Variants in NXPE2 observed in about 807,000 individuals in gnomAD.
The protein encoded by NXPE2 is NXPE family member 2.
Under a neutral mutation model 34.4 loss-of-function variants are expected in NXPE2, and 34 were observed. The ratio of observed to expected loss-of-function variants is 0.99; its 90% CI spans 0.75 to 1.31. The LOEUF (loss-of-function observed/expected upper bound fraction) is 1.31, where lower values mean the gene tolerates loss of function less well. Ranked by LOEUF, NXPE2 falls within the 40% of genes most tolerant of loss-of-function variation. The pLI is 0.00. For missense variants in NXPE2, 649 were observed against 672.5 expected (o/e 0.97, Z 0.39); for synonymous variants, 235 against 231.3 (o/e 1.02, Z -0.15).
the NXPE2 span, among the ~76,000 whole-genome samples, chr11:114,721,002 G>T: frequency 4.6e-5 from 7 of 152,112 alleles, no homozygotes; most frequent in African/African-American, 1.7e-4. Flanking sequence ...TTGTTAAATT[G>T]GTTACCCTTA....
intron 3 of NXPE2, among the ~76,000 whole-genome samples, chr11:114,703,691 TAGATAGATGATA>T (rs1230017723): frequency 1.1e-4 from 2 of 18,032 alleles, no homozygotes; most frequent in African/African-American, 3.0e-4. Flanking sequence ...GATAGATAGA[TAGATAGATGATA>T]GATAGATAGA....
chr11:114,536,932 A>G, the NXPE2 span, among the ~76,000 whole-genome samples: 5 of 152,230 alleles, frequency 3.3e-5, no homozygotes, highest in African/African-American at 9.6e-5. Flanking sequence ...TCATTTTATG[A>G]AGCCAGCATC....
At chr11:114,550,566 G>A in the NXPE2 span, among the ~76,000 whole-genome samples, 13 of 152,156 alleles carry the variant, frequency 8.5e-5, no homozygotes, top group Non-Finnish European at 1.5e-4. Flanking sequence ...TTTCAACAGC[G>A]TAAATTCCAA....
chr11:114,703,362 G>T (rs797008203), intron 3 of NXPE2, among the ~76,000 whole-genome samples: 41 of 152,310 alleles, frequency 2.7e-4, no homozygotes, highest in African/African-American at 8.9e-4. Context: ...TTAGGACAGG[G>T]TTCTCAAAGT....
At chr11:114,693,192 T>C (rs192295939) in intron 2 of NXPE2, among the ~76,000 whole-genome samples, 28 of 152,334 alleles carry the variant, frequency 1.8e-4, no homozygotes, top group African/African-American at 6.7e-4. Flanking sequence ...TCTCAGGTGA[T>C]ACAGGTAACC....
the NXPE2 span, chr11:114,527,904 T>TC: frequency 6.5e-7 from 1 of 1,527,644 alleles, no homozygotes; most frequent in South Asian, 1.2e-5. Flanking sequence ...CTTTGGACCT[T>TC]CAAAAAAAAA....
chr11:114,565,024 A>G, the NXPE2 span, among the ~76,000 whole-genome samples: 1 of 152,196 alleles, frequency 6.6e-6, no homozygotes, highest in African/African-American at 2.4e-5. Flanking sequence ...TATTGATATC[A>G]TTGTCTACAT....
the NXPE2 span, among the ~76,000 whole-genome samples, chr11:114,537,958 C>G: frequency 2.0e-5 from 3 of 151,924 alleles, no homozygotes; most frequent in African/African-American, 7.2e-5. Context: ...AACCAAAAAG[C>G]CCACATTGCC....
At chr11:114,535,533 A>G in the NXPE2 span, among the ~76,000 whole-genome samples, 1 of 152,132 alleles carries the variant, frequency 6.6e-6, no homozygotes, top group Admixed American at 6.5e-5. Context: ...GTATTCAGGA[A>G]ACCCATCTCA....
chr11:114,606,457 G>A, the NXPE2 span, among the ~76,000 whole-genome samples: 1 of 149,704 alleles, frequency 6.7e-6, no homozygotes, highest in Non-Finnish European at 1.5e-5. Context: ...GGGAGATAAT[G>A]TGTTGCCTCT....
chr11:114,741,703 TC>T, the NXPE2 span, among the ~76,000 whole-genome samples: 1 of 152,238 alleles, frequency 6.6e-6, no homozygotes, highest in Non-Finnish European at 1.5e-5. Flanking sequence ...CTTGTTTTGC[TC>T]ATGTGTTGTG....
Position 114,698,229 on chromosome 11 carries a change from C to G in NXPE2, c.317C>G (p.Thr106Ser). 1 of 1,613,894 alleles carries G rather than the reference C, an allele frequency of 6.2e-7. No individual in the cohort carries two copies. The highest frequency in any genetic ancestry group is 2.2e-5 in the East Asian group (1 of 44,872). ...AGACCTTTCACCCATGTGAATACCA[C>G]CACCAGTGCCACACACAGCACAGCC... The part of the protein sequence containing the change: ...PPRPFTHVNT[T>S]TSATHSTATI... The change falls in exon 3 of 6, where the codon ACC becomes AGC. Residue 106 changes from threonine (T) to serine (S), a missense_variant. Thr to Ser is a moderately conservative substitution (Grantham distance 58). Transcript: ENST00000389586.
chr11:114,581,824 C>T, the NXPE2 span: 1,477 of 1,446,484 alleles, frequency 1.0e-3, 15 homozygotes, highest in African/African-American at 0.019. Context: ...CTGTAGGTGG[C>T]CTCAAATCAG....
the NXPE2 span, among the ~76,000 whole-genome samples, chr11:114,485,843 C>A: frequency 2.0e-5 from 3 of 152,112 alleles, no homozygotes; most frequent in African/African-American, 7.2e-5. Context: ...TTGTTTTTTA[C>A]GGCTAAATAG....
chr11:114,540,885 T>TTTG, the NXPE2 span, among the ~76,000 whole-genome samples: 5 of 81,290 alleles, frequency 6.2e-5, 1 homozygote, highest in African/African-American at 1.5e-4. Flanking sequence ...TTTTTTTTTT[T>TTTG]GGCTTGAACA....
At chr11:114,806,394 T>TCCAAGCTACAG in the NXPE2 span, among the ~76,000 whole-genome samples, 1 of 151,774 alleles carries the variant, frequency 6.6e-6, no homozygotes, top group African/African-American at 2.4e-5. Flanking sequence ...ATCAAACTAC[T>TCCAAGCTACAG]CCAAGCTACA....
chr11:114,722,225 T>C, the NXPE2 span, among the ~76,000 whole-genome samples: 1 of 152,128 alleles, frequency 6.6e-6, no homozygotes, highest in East Asian at 1.9e-4. Context: ...GGGAGCAGTT[T>C]CCCCCATGCT....
chr11:114,662,564 C>T, the NXPE2 span, among the ~76,000 whole-genome samples: 3 of 152,114 alleles, frequency 2.0e-5, no homozygotes, highest in African/African-American at 4.8e-5. Flanking sequence ...ACACCAGCTG[C>T]GGTGGCTAAG....
At chr11:114,599,160 T>C in the NXPE2 span, among the ~76,000 whole-genome samples, 2 of 152,122 alleles carry the variant, frequency 1.3e-5, no homozygotes, top group Non-Finnish European at 2.9e-5. Flanking sequence ...CCAGATACCT[T>C]AAATCATCAC....
Sources: allele counts gnomAD v4.1 joint callset (sites outside exome capture counted in the v4.1 genomes callset), GRCh38; gene constraint gnomAD v4.1.1; transcripts MANE v1.5; gene names NCBI Gene and HGNC (gene_info 2026-07-23, HGNC 2026-07-21).